Variants in PRX observed in about 807,000 individuals in gnomAD.
PRX encodes the protein periaxin.
A neutral mutation model predicts 29.6 loss-of-function variants in PRX; 24 were observed. The ratio of observed to expected loss-of-function variants is 0.81; its 90% CI spans 0.59 to 1.14. The LOEUF (loss-of-function observed/expected upper bound fraction) is 1.14, where lower values mean the gene tolerates loss of function less well. PRX is among the 50% of genes most tolerant of loss of function. The pLI, the probability that PRX is intolerant of heterozygous loss-of-function variation, is 0.00. For synonymous variants in PRX, 772 were observed against 831.7 expected, an observed-to-expected ratio of 0.93 and a Z score of 1.24; for missense variants, 1,838 against 1,926.4, an observed-to-expected ratio of 0.95 and a Z score of 0.86.
At chr19:40,404,100 G>A (rs181706898) in intron 4 of PRX, among the ~76,000 whole-genome samples, 1 of 152,272 alleles carries the variant, frequency 6.6e-6, no homozygotes, top group Admixed American at 6.5e-5. Flanking sequence ...CACCGCGCCC[G>A]GCCAAAAGCG....
Position 40,394,789 on chromosome 19 carries a change from G to A in PRX, c.3563C>T (p.Pro1188Leu). 6.2e-7 allele frequency: 1 copy of A among 1,613,612 alleles called. No individual in the cohort carries two copies. Among genetic ancestry groups the A allele is most frequent in the Non-Finnish European group, 8.5e-7 (1 of 1,180,008 alleles). Residue 1188 changes from proline to leucine, a missense_variant, in exon 7 of 7, where the codon CCC becomes CTC. Physicochemically the swap from Pro to Leu is moderately conservative, Grantham distance 98. This residue lies in a region of PRX where 1,143 missense variants were observed against 1,193.0 expected (regional missense o/e 0.96). Coordinates refer to ENST00000324001, the MANE Select transcript of PRX (RefSeq NM_181882.3). This position sits in a 1 kb window ranked among gnomAD's most constrained non-coding sequence, Gnocchi z 5.8. ...EGTAGYRVQV[P>L]QVTLSLPGAQ... ...TCCAGGCAGAGACAGGGTCACCTGG[G>A]GCACCTGAACCCTGTAGCCTGCTGT...
intron 4 of PRX, among the ~76,000 whole-genome samples, chr19:40,404,925 T>C (rs568618243): frequency 6.6e-6 from 1 of 152,120 alleles, no homozygotes; most frequent in African/African-American, 2.4e-5. Context: ...GGGGCTTTAA[T>C]TACAGCAGAA....
chr19:40,403,981 G>T, intron 4 of PRX, 119 bp from the exon 5 acceptor site: 1 of 1,204,710 alleles, frequency 8.3e-7, no homozygotes, highest in Non-Finnish European at 1.2e-6. Context: ...TTAGAGACGG[G>T]GGTGGGGGAC....
rs2079426389 is a variant in PRX, at chr19:40,395,628, C to A, written c.2724G>T (p.Leu908=). Residue 908 remains leucine (L), a synonymous_variant, in exon 7 of 7, where the codon CTG becomes CTT. Coordinates refer to ENST00000324001, the MANE Select transcript of PRX (RefSeq NM_181882.3). ...GCCCTTCCTCAATTTCCACGGCGGG[C>A]AGCTGTGGGGTGACAATTTCAACAG... is the stretch of plus-strand genomic sequence containing the variant. ...VPSVEIVTPQ[L]PAVEIEEGRL... The A allele has an allele frequency of 6.2e-7, 1 of 1,614,174 alleles. No individual in the cohort carries two copies. The highest frequency in any genetic ancestry group is 8.5e-7 in the Non-Finnish European group (1 of 1,180,028).
In PRX at chr19:40,397,766, G is replaced by A. The variant is rs104894706; in HGVS notation, c.586C>T (p.Arg196Ter). 1.9e-6 allele frequency: 3 copies of A among 1,566,998 alleles called. No homozygotes were observed. Among genetic ancestry groups the A allele is most frequent in the African/African-American group, 1.3e-5 (1 of 74,348 alleles). ...RRLQLPRLRV[R>*]EVAEEAQAAR... Reference sequence around the variant, plus strand: ...GCCTGAGCCTCTTCGGCCACTTCTCGTACACGCAGCCGAGGCAGCTGGAGG... The same window carrying A: ...GCCTGAGCCTCTTCGGCCACTTCTCATACACGCAGCCGAGGCAGCTGGAGG... The change falls in exon 7 of 7, where the codon CGA becomes TGA. Residue 196 changes from arginine to a stop codon, truncating the protein, a stop_gained. Coordinates refer to ENST00000324001, the MANE Select transcript of PRX (RefSeq NM_181882.3). LOFTEE classifies it low-confidence loss of function (END_TRUNC).
At position 40,395,152 on chromosome 19, in the gene PRX, C is replaced by T. The variant is rs764817403; in HGVS notation, c.3200G>A (p.Gly1067Glu). 13 of 1,614,064 alleles carry T rather than the reference C, an allele frequency of 8.1e-6. No individual in the cohort carries two copies. The East Asian group carries it at 2.7e-4, about 33-fold the overall frequency. ...TTCTGCTTCCTTCCCTCGAGCCAGC[C>T]CAAAGGAAGGCATCTTCAGCTTGGG... ...KMPKLKMPSF[G>E]LARGKEAEVQ... Residue 1067 changes from glycine to glutamate, a missense_variant, in exon 7 of 7, where the codon GGG becomes GAG. By Grantham distance (98) the Gly-to-Glu change is moderately conservative. Coordinates refer to ENST00000324001, the MANE Select transcript of PRX (RefSeq NM_181882.3).
In PRX at chr19:40,397,669, C is replaced by G. The variant is rs562108874; in HGVS notation, c.683G>C (p.Arg228Pro). The G allele has an allele frequency of 6.4e-7, 1 of 1,553,730 alleles. No individual in the cohort carries two copies. Among genetic ancestry groups the G allele is most frequent in the Admixed American group, 1.9e-5 (1 of 52,434 alleles). ...KVEAEVAAGA[R>P]FTAPQVELVG... ...CAGCTCCACCTGAGGGGCTGTGAAACGAGCTCCTGCAGCCACCTCAGCCTC... is the reference window on the plus strand; with the variant it reads ...CAGCTCCACCTGAGGGGCTGTGAAAGGAGCTCCTGCAGCCACCTCAGCCTC... Residue 228 changes from arginine (R) to proline (P), a missense_variant, in exon 7 of 7, where the codon CGT becomes CCT. Arg to Pro is a moderately radical substitution (Grantham distance 103, BLOSUM62 -2). This residue lies in a region of PRX where 666 missense variants were observed against 665.0 expected (regional missense o/e 1.00). Transcript: ENST00000324001.
chr19:40,394,620 C>T lies in PRX; in HGVS notation c.3732G>A (p.Arg1244=). The change falls in exon 7 of 7, where the codon AGG becomes AGA. Residue 1244 remains arginine, a synonymous_variant. Transcript: ENST00000324001. The surrounding 1 kb of genome is among the most constrained non-coding windows in gnomAD (Gnocchi z 5.8). ...GEAATGEGGL[R]LKLPTLGARA... ...TGGCCCCCAGTGTGGGCAACTTCAG[C>T]CTCAGCCCACCCTCGCCTGTGGCCG... The T allele has an allele frequency of 2.5e-6, 4 of 1,607,642 alleles. No homozygotes were observed. The highest frequency in any genetic ancestry group is 3.4e-6 in the Non-Finnish European group (4 of 1,179,444).
chr19:40,401,681 G>T (rs1433507689), intron 5 of PRX, among the ~76,000 whole-genome samples: 2 of 151,772 alleles, frequency 1.3e-5, no homozygotes, highest in Non-Finnish European at 2.9e-5. Flanking sequence ...CCACCTTGGG[G>T]CATTTTTGCT....
At chr19:40,399,909 C>CTT (rs1360411753) in intron 5 of PRX, among the ~76,000 whole-genome samples, 2,708 of 96,438 alleles carry the variant, frequency 0.028, 33 homozygotes, top group Middle Eastern at 0.042. Flanking sequence ...CTTTCTTTTT[C>CTT]TTTCTTTCTT....
chr19:40,407,271 T>G (rs268669), intron 4 of PRX, among the ~76,000 whole-genome samples: 2 of 148,874 alleles, frequency 1.3e-5, no homozygotes, highest in Non-Finnish European at 3.0e-5. Context: ...GGGTCTTTTT[T>G]TTTTTTTCTT....
At position 40,395,889 on chromosome 19, in the gene PRX, G is replaced by A. The variant is rs368481955; in HGVS notation, c.2463C>T (p.Gly821=). 29 of 1,614,114 alleles carry A rather than the reference G, an allele frequency of 1.8e-5. No homozygotes were observed. The highest frequency in any genetic ancestry group is 1.2e-4 in the African/African-American group (9 of 75,026). The part of the protein sequence containing the change: ...RAESPSRGKP[G]EAGAEVSGKL... Reference sequence around the variant, plus strand: ...TCCCTGAGACCTCAGCACCCGCCTCGCCTGGCTTGCCACGTGATGGGGACT... The same window carrying A: ...TCCCTGAGACCTCAGCACCCGCCTCACCTGGCTTGCCACGTGATGGGGACT... Residue 821 remains glycine (G), a synonymous_variant, in exon 7 of 7, where the codon GGC becomes GGT. Coordinates refer to ENST00000324001, the MANE Select transcript of PRX (RefSeq NM_181882.3).
At position 40,397,505 on chromosome 19, in the gene PRX, C is replaced by A. The variant is rs535087433; in HGVS notation, c.847G>T (p.Val283Leu). Residue 283 changes from valine (V) to leucine (L), a missense_variant, in exon 7 of 7, where the codon GTG becomes TTG. This residue lies in a region of PRX where 666 missense variants were observed against 665.0 expected (regional missense o/e 1.00). Transcript: ENST00000324001. ...LGLGAPAPPA[V>L]EAPAVGIQVP... ...TGGATTCCCACGGCTGGGGCCTCCACAGCAGGCGGAGCCGGGGCTCCGAGC... is the reference window on the plus strand; with the variant it reads ...TGGATTCCCACGGCTGGGGCCTCCAAAGCAGGCGGAGCCGGGGCTCCGAGC... 3.9e-6 allele frequency: 6 copies of A among 1,552,910 alleles called. No individual in the cohort carries two copies. The highest frequency in any genetic ancestry group is 1.2e-5 in the South Asian group (1 of 85,426).
At chr19:40,408,097 G>T in intron 3 of PRX, 61 bp downstream of exon 3, 1 of 886,078 alleles carries the variant, frequency 1.1e-6, no homozygotes, top group Non-Finnish European at 1.8e-6. Context: ...CATGCTTACA[G>T]GGAGAAAGCA....
rs149093940 is a variant in PRX at position 40,393,986 on chromosome 19, C to G, written c.4366G>C (p.Ala1456Pro). The change falls in exon 7 of 7, where the codon GCT (alanine) becomes CCT (proline). Residue 1456 changes from alanine to proline, a missense_variant. Coordinates refer to ENST00000324001, the MANE Select transcript of PRX (RefSeq NM_181882.3). ...GAPGPARMEG[A>P]QAAAV ...GGGCTTCAGACAGCCGCAGCCTGAGCCCCCTCCATCCTGGCCGGGCCTGGA... is the reference window on the plus strand; with the variant it reads ...GGGCTTCAGACAGCCGCAGCCTGAGGCCCCTCCATCCTGGCCGGGCCTGGA... The G allele has an allele frequency of 4.7e-5, 76 of 1,613,042 alleles. No individual in the cohort carries two copies. The African/African-American group carries it at 5.2e-4, about 11-fold the overall frequency.
At chr19:40,406,562 A>G (rs2079531522) in intron 4 of PRX, among the ~76,000 whole-genome samples, 1 of 152,006 alleles carries the variant, frequency 6.6e-6, no homozygotes, top group Admixed American at 6.6e-5. Context: ...CTGGCGCTGT[A>G]CCCACTGCCT....
chr19:40,395,572 G>A lies in PRX; in HGVS notation c.2780C>T (p.Pro927Leu). The change falls in exon 7 of 7, where the codon CCC becomes CTC. Residue 927 changes from proline (P) to leucine (L), a missense_variant. Physicochemically the swap from Pro to Leu is moderately conservative, Grantham distance 98 (BLOSUM62 -3). Around this residue, in one of 3 missense-constraint regions of PRX, gnomAD observed 1,143 missense variants for 1,193.0 expected, o/e 0.96. Transcript: ENST00000324001. ...RLEMIETKVK[P>L]SSKFSLPKFG... ...CTTAGGTAAGGAGAACTTGGAAGAG[G>A]GCTTGACTTTTGTCTCTATCATCTC... is the stretch of plus-strand genomic sequence containing the variant. 6.2e-7 allele frequency: 1 copy of A among 1,614,136 alleles called. No individual in the cohort carries two copies. Among genetic ancestry groups the A allele is most frequent in the South Asian group, 1.1e-5 (1 of 91,074 alleles).
chr19:40,413,610 T>C (rs2145751648), upstream of PRX, among the ~76,000 whole-genome samples: 1 of 152,270 alleles, frequency 6.6e-6, no homozygotes, highest in South Asian at 2.1e-4. Context: ...GCTTCAAGGA[T>C]TTGCACGTTG....
intron 4 of PRX, among the ~76,000 whole-genome samples, chr19:40,405,395 C>G (rs1365132032): frequency 6.6e-6 from 1 of 152,118 alleles, no homozygotes. Flanking sequence ...TGAGAGGACA[C>G]TGTCATGGCC....
Sources: allele counts gnomAD v4.1 joint callset (sites outside exome capture counted in the v4.1 genomes callset), GRCh38; gene constraint gnomAD v4.1.1; regional missense constraint gnomAD v4.1.1; non-coding constraint Gnocchi (gnomAD v3.1); transcripts MANE v1.5; gene names NCBI Gene and HGNC (gene_info 2026-07-23, HGNC 2026-07-21).